Variants in PDK1 observed in about 807,000 individuals in gnomAD.
The protein encoded by PDK1 is [Pyruvate dehydrogenase (acetyl-transferring)] kinase isozyme 1, mitochondrial.
In PDK1, 39 loss-of-function variants were observed where a neutral mutation model predicts 54.2. That is an observed-to-expected ratio of 0.72 (90% confidence interval 0.56 to 0.94). The LOEUF is 0.94. Ranked by LOEUF, PDK1 falls within the 40% of genes least tolerant of loss-of-function variation. The pLI, the probability that PDK1 is intolerant of heterozygous loss-of-function variation, is 0.00. For synonymous variants in PDK1, 221 were observed against 207.1 expected (o/e 1.07, Z -0.58); for missense variants, 552 against 566.0 (o/e 0.98, Z 0.25).
At chr2:172,716,581 TC>T in the PDK1 span, among the ~76,000 whole-genome samples, 2 of 152,196 alleles carry the variant, frequency 1.3e-5, no homozygotes, top group Non-Finnish European at 2.9e-5. Context: ...TGCCTCAGCC[TC>T]CCAAAGTGCT....
chr2:172,573,023 T>A (rs903031452), intron 8 of PDK1, among the ~76,000 whole-genome samples: 1 of 152,212 alleles, frequency 6.6e-6, no homozygotes, highest in African/African-American at 2.4e-5. Context: ...TTTGTTTCTA[T>A]TTTTTGGTTA....
the PDK1 span, among the ~76,000 whole-genome samples, chr2:172,618,555 G>A: frequency 6.6e-6 from 1 of 152,170 alleles, no homozygotes; most frequent in African/African-American, 2.4e-5. Context: ...GAATAATAGT[G>A]CAAACCATGA....
chr2:172,647,706 C>T, the PDK1 span, among the ~76,000 whole-genome samples: 22 of 151,976 alleles, frequency 1.4e-4, no homozygotes, highest in Non-Finnish European at 2.4e-4. Context: ...CAAGCTCTAC[C>T]GTAATAATTG....
chr2:172,589,397 A>G (rs1425931951), intron 9 of PDK1, among the ~76,000 whole-genome samples: 1 of 152,228 alleles, frequency 6.6e-6, no homozygotes, highest in Non-Finnish European at 1.5e-5. Context: ...AGGAGAAGGC[A>G]AAGTTAGCAG....
the PDK1 span, among the ~76,000 whole-genome samples, chr2:172,678,319 C>A: frequency 6.6e-6 from 1 of 151,460 alleles, no homozygotes; most frequent in East Asian, 1.9e-4. Flanking sequence ...AATTGATGGG[C>A]AAACTAGATG....
chr2:172,664,071 G>C, the PDK1 span, among the ~76,000 whole-genome samples: 1 of 150,792 alleles, frequency 6.6e-6, no homozygotes. Flanking sequence ...CAGCACTTTG[G>C]GAGGCTGAGG....
At chr2:172,624,385 T>A in the PDK1 span, among the ~76,000 whole-genome samples, 1 of 152,056 alleles carries the variant, frequency 6.6e-6, no homozygotes, top group South Asian at 2.1e-4. Context: ...TCCTATCAGT[T>A]CAGTGGTGAC....
At chr2:172,706,584 C>T in the PDK1 span, among the ~76,000 whole-genome samples, 2 of 152,054 alleles carry the variant, frequency 1.3e-5, no homozygotes, top group African/African-American at 4.8e-5. Flanking sequence ...TGCCACCATG[C>T]CTGGCTAATT....
At chr2:172,580,086 T>A (rs933810847) in intron 8 of PDK1, among the ~76,000 whole-genome samples, 2 of 151,928 alleles carry the variant, frequency 1.3e-5, no homozygotes, top group African/African-American at 2.4e-5. Context: ...TATTTTTTTT[T>A]AATTAATTTG....
At position 172,598,354 on chromosome 2, in the gene PDK1, A is replaced by G. The variant is rs1353203009; in HGVS notation, c.*2385A>G. ...TCCTTTAGCTTATTTTTAAGGTAAA[A>G]CAGCTTTTTACTCTGTTATTGTGGT... On this transcript the variant is annotated 3_prime_UTR_variant, in exon 11 of 11. Transcript: ENST00000282077. 3 of 152,228 alleles carry G rather than the reference A, an allele frequency of 2.0e-5. No individual in the cohort carries two copies. Among genetic ancestry groups the G allele is most frequent in the African/African-American group, 7.2e-5 (3 of 41,470 alleles). 9.4% of individuals were successfully genotyped at this position (152,228 alleles called of 1,614,324 possible). A position where few individuals can be genotyped will look rare whatever the true frequency, so the allele number is the denominator to read the frequency against.
chr2:172,685,672 A>C, the PDK1 span, among the ~76,000 whole-genome samples: 1 of 152,230 alleles, frequency 6.6e-6, no homozygotes, highest in African/African-American at 2.4e-5. Context: ...CCAAATCAGC[A>C]CTTAGCACAG....
the PDK1 span, among the ~76,000 whole-genome samples, chr2:172,683,758 G>A: frequency 6.6e-6 from 1 of 152,216 alleles, no homozygotes; most frequent in Non-Finnish European, 1.5e-5. Context: ...TCATCTTTAA[G>A]AGGTTGGGAA....
At chr2:172,653,240 A>G in the PDK1 span, among the ~76,000 whole-genome samples, 1 of 152,172 alleles carries the variant, frequency 6.6e-6, no homozygotes, top group Non-Finnish European at 1.5e-5. Flanking sequence ...CTATTTAATA[A>G]ATGGTGCTGT....
intron 2 of PDK1, among the ~76,000 whole-genome samples, chr2:172,559,982 G>A (rs1056041751): frequency 6.6e-6 from 1 of 152,130 alleles, no homozygotes; most frequent in Non-Finnish European, 1.5e-5. Context: ...GAGTAGCTGG[G>A]ACCACAAGTG....
rs535916434 is a variant in PDK1 at position 172,601,476 on chromosome 2, C to G, written c.*5507C>G. On this transcript the variant is annotated 3_prime_UTR_variant, in exon 11 of 11. Transcript: ENST00000282077. ...GGGTTGGTTTCTCCCATGCTGTTCTCGTGATAGTTCCCATGAGATCTGATG... is the reference window on the plus strand; with the variant it reads ...GGGTTGGTTTCTCCCATGCTGTTCTGGTGATAGTTCCCATGAGATCTGATG... 1 of 152,122 alleles carries G rather than the reference C, an allele frequency of 6.6e-6. No homozygotes were observed. Among genetic ancestry groups the G allele is most frequent in the Admixed American group, 6.5e-5 (1 of 15,274 alleles). 9.4% of individuals were successfully genotyped at this position (152,122 alleles called of 1,614,324 possible).
At chr2:172,663,966 G>T in the PDK1 span, among the ~76,000 whole-genome samples, 3 of 42,640 alleles carry the variant, frequency 7.0e-5, no homozygotes, top group African/African-American at 2.3e-4. Context: ...CACCATATGT[G>T]GCTTTTTTTT....
downstream of PDK1, among the ~76,000 whole-genome samples, chr2:172,611,115 T>A (rs11901586): frequency 0.22 from 33,143 of 151,968 alleles, 4,991 homozygotes; most frequent in African/African-American, 0.42. Context: ...ACTTAGGGCT[T>A]CAGAAGGGAA....
chr2:172,670,897 A>C, the PDK1 span, among the ~76,000 whole-genome samples: 7 of 152,138 alleles, frequency 4.6e-5, no homozygotes, highest in Admixed American at 3.9e-4. Flanking sequence ...GAGTTATTTG[A>C]GTCTGTCATC....
chr2:172,608,847 C>G (rs529416203), downstream of PDK1, among the ~76,000 whole-genome samples: 1 of 152,244 alleles, frequency 6.6e-6, no homozygotes, highest in African/African-American at 2.4e-5. Flanking sequence ...CACAGATGGG[C>G]TTTTGTAGGT....
Sources: gnomAD v4.1 joint callset for allele counts (sites outside exome capture counted in the v4.1 genomes callset) on GRCh38, gnomAD v4.1.1 for gene constraint, MANE v1.5 for transcripts, NCBI Gene and HGNC (gene_info 2026-07-23, HGNC 2026-07-21) for gene names.